Variants in CTNND2 observed in about 807,000 individuals in gnomAD.
The protein encoded by CTNND2 is catenin delta 2.
Under a neutral mutation model 144.4 loss-of-function variants are expected in CTNND2, and 22 were observed. That is an observed-to-expected ratio of 0.15 (90% CI 0.11 to 0.22). The LOEUF (loss-of-function observed/expected upper bound fraction) is 0.22, where lower values mean the gene tolerates loss of function less well. CTNND2 is among the 10% of genes least tolerant of loss of function. The pLI is 1.00. For synonymous variants in CTNND2, 751 were observed against 695.6 expected (o/e 1.08, Z -1.25); for missense variants, 1,353 against 1,618.8 (o/e 0.84, Z 2.82).
chr5:11,251,865 G>T (rs1743691166), intron 9 of CTNND2, among the ~76,000 whole-genome samples: 1 of 152,252 alleles, frequency 6.6e-6, no homozygotes, highest in Non-Finnish European at 1.5e-5. Flanking sequence ...CTAAAAATTT[G>T]CTTATGTAAA....
At chr5:11,044,925 C>T (rs1366269378) in intron 16 of CTNND2, among the ~76,000 whole-genome samples, 1 of 152,204 alleles carries the variant, frequency 6.6e-6, no homozygotes, top group Non-Finnish European at 1.5e-5. Context: ...CCTGAGGGCC[C>T]CTGAAAATGG....
At chr5:11,805,244 T>TG (rs1561812350) in intron 1 of CTNND2, among the ~76,000 whole-genome samples, 1 of 152,118 alleles carries the variant, frequency 6.6e-6, no homozygotes, top group African/African-American at 2.4e-5. Context: ...GATATATAGC[T>TG]TTGTACAGAT....
At chr5:11,772,310 C>A (rs1789994878) in intron 1 of CTNND2, among the ~76,000 whole-genome samples, 3 of 152,098 alleles carry the variant, frequency 2.0e-5, no homozygotes, top group Non-Finnish European at 1.5e-5. Flanking sequence ...CAATTGCATT[C>A]ATTTTGGAAA....
chr5:11,541,298 A>C (rs919478273), intron 3 of CTNND2, among the ~76,000 whole-genome samples: 1 of 152,196 alleles, frequency 6.6e-6, no homozygotes, highest in African/African-American at 2.4e-5. Flanking sequence ...CTGGTGCAAA[A>C]CACTCTTGGA....
At chr5:11,133,934 A>G (rs1755864769) in intron 12 of CTNND2, among the ~76,000 whole-genome samples, 2 of 152,228 alleles carry the variant, frequency 1.3e-5, no homozygotes, top group Admixed American at 6.5e-5. Flanking sequence ...CATCTCTCCA[A>G]GATTCCTACC....
At chr5:11,716,679 A>G (rs567311044) in intron 2 of CTNND2, among the ~76,000 whole-genome samples, 29 of 141,376 alleles carry the variant, frequency 2.1e-4, no homozygotes, top group Admixed American at 7.5e-4. Context: ...TTATTTGTTT[A>G]TTTATTTATT....
chr5:11,191,129 G>A (rs1186458308), intron 11 of CTNND2, among the ~76,000 whole-genome samples: 1 of 152,130 alleles, frequency 6.6e-6, no homozygotes, highest in Non-Finnish European at 1.5e-5. Context: ...CAGAGACAGT[G>A]GCCTGCAGTG....
chr5:11,304,351 CTCTT>C (rs1298621294), intron 9 of CTNND2, among the ~76,000 whole-genome samples: 1 of 151,778 alleles, frequency 6.6e-6, no homozygotes, highest in African/African-American at 2.4e-5. Flanking sequence ...CTTTCTCTCT[CTCTT>C]TTGTATACAT....
At chr5:11,144,327 G>A (rs868585443) in intron 12 of CTNND2, among the ~76,000 whole-genome samples, 9 of 152,142 alleles carry the variant, frequency 5.9e-5, no homozygotes, top group Non-Finnish European at 8.8e-5. Context: ...CCTAAAATAC[G>A]GATTTTAAGG....
intron 1 of CTNND2, among the ~76,000 whole-genome samples, chr5:11,763,882 C>T (rs1038315052): frequency 2.0e-5 from 3 of 151,968 alleles, no homozygotes; most frequent in African/African-American, 7.3e-5. Context: ...TTTATGGACT[C>T]CCAATCAAGG....
At chr5:11,425,429 T>A (rs1369524048) in intron 3 of CTNND2, among the ~76,000 whole-genome samples, 1 of 152,174 alleles carries the variant, frequency 6.6e-6, no homozygotes, top group Non-Finnish European at 1.5e-5. Context: ...TTCCAGCATT[T>A]AGCATCTGAT....
chr5:11,311,146 T>A (rs1168050832), intron 9 of CTNND2, among the ~76,000 whole-genome samples: 1 of 83,598 alleles, frequency 1.2e-5, no homozygotes, highest in Non-Finnish European at 2.3e-5. Flanking sequence ...ACTGTCACAC[T>A]CTCTCCATGA....
At chr5:11,777,399 T>C (rs1389590115) in intron 1 of CTNND2, among the ~76,000 whole-genome samples, 1 of 152,266 alleles carries the variant, frequency 6.6e-6, no homozygotes, top group Non-Finnish European at 1.5e-5. Flanking sequence ...ATTTCATAAG[T>C]CAACATTTAA....
chr5:11,593,923 C>A (rs202159193), intron 2 of CTNND2, among the ~76,000 whole-genome samples: 1 of 151,956 alleles, frequency 6.6e-6, no homozygotes, highest in African/African-American at 2.4e-5. Context: ...AGATAATGCC[C>A]AAATTGGCAA....
intron 1 of CTNND2, among the ~76,000 whole-genome samples, chr5:11,808,565 T>G (rs1293627144): frequency 6.6e-6 from 1 of 152,214 alleles, no homozygotes; most frequent in African/African-American, 2.4e-5. Context: ...AGAAGTTGAT[T>G]TCTGTTACAA....
At chr5:11,040,109 G>A (rs948000381) in intron 16 of CTNND2, among the ~76,000 whole-genome samples, 16 of 152,116 alleles carry the variant, frequency 1.1e-4, no homozygotes, top group African/African-American at 3.4e-4. Flanking sequence ...AGCTGGGCAT[G>A]GTGGCGGGTG....
At chr5:11,275,173 C>A (rs443005) in intron 9 of CTNND2, among the ~76,000 whole-genome samples, 35,215 of 152,026 alleles carry the variant, frequency 0.23, 4,139 homozygotes, top group Middle Eastern at 0.33. Flanking sequence ...TTAATTCTCA[C>A]ACAATGCTAT....
chr5:11,266,865 A>C (rs934574047), intron 9 of CTNND2, among the ~76,000 whole-genome samples: 1 of 152,178 alleles, frequency 6.6e-6, no homozygotes, highest in Non-Finnish European at 1.5e-5. Context: ...CCACAAATGC[A>C]AAGAGACGAC....
At chr5:11,668,484 C>G (rs1228243622) in intron 2 of CTNND2, among the ~76,000 whole-genome samples, 1 of 152,154 alleles carries the variant, frequency 6.6e-6, no homozygotes, top group African/African-American at 2.4e-5. Flanking sequence ...CTTCATATCC[C>G]TTGTAAGCTG....
Sources: gnomAD v4.1 joint callset for allele counts (sites outside exome capture counted in the v4.1 genomes callset) on GRCh38, gnomAD v4.1.1 for gene constraint, MANE v1.5 for transcripts, NCBI Gene and HGNC (gene_info 2026-07-23, HGNC 2026-07-21) for gene names.